Variants in ASPRV1 observed in about 807,000 individuals in gnomAD.
The protein encoded by ASPRV1 is retroviral-like aspartic protease 1.
Under a neutral mutation model 11.0 loss-of-function variants are expected in ASPRV1, and 7 were observed. The ratio of observed to expected loss-of-function variants is 0.64; its 90% CI spans 0.36 to 1.20. The LOEUF is 1.20. Among genes scored for constraint, ASPRV1 ranks in the 50% most tolerant of loss-of-function variants. The probability of loss-of-function intolerance (pLI) is 0.02; values close to 1 mark genes in which losing one functional copy is unlikely to be tolerated. For missense variants in ASPRV1, 299 were observed against 320.0 expected, an observed-to-expected ratio of 0.93 and a Z score of 0.50; for synonymous variants, 136 against 138.4, an observed-to-expected ratio of 0.98 and a Z score of 0.12.
the ASPRV1 span, among the ~76,000 whole-genome samples, chr2:69,951,961 A>G: frequency 6.6e-6 from 1 of 151,948 alleles, no homozygotes; most frequent in Non-Finnish European, 1.5e-5. Context: ...GTTGTTGGTT[A>G]CTTCAGCTTT....
the ASPRV1 span, among the ~76,000 whole-genome samples, chr2:70,048,485 T>G: frequency 2.7e-5 from 4 of 149,040 alleles, no homozygotes; most frequent in African/African-American, 9.9e-5. Flanking sequence ...TGCCAGGAGG[T>G]GATGGCCATG....
At chr2:69,935,621 T>G in the ASPRV1 span, among the ~76,000 whole-genome samples, 1 of 152,196 alleles carries the variant, frequency 6.6e-6, no homozygotes, top group Non-Finnish European at 1.5e-5. Flanking sequence ...AAAACCCAAC[T>G]GAGTGTTTCT....
upstream of ASPRV1, chr2:69,964,580 G>A: frequency 3.8e-6 from 1 of 265,386 alleles, no homozygotes; most frequent in South Asian, 3.6e-5. Context: ...CAGGCCAGGT[G>A]CCACTACCTC....
At chr2:69,998,002 G>A in the ASPRV1 span, 1 of 152,174 alleles carries the variant, frequency 6.6e-6, no homozygotes, top group Non-Finnish European at 1.5e-5. Flanking sequence ...CTGAGGCATA[G>A]AAAGTCTCAG....
At chr2:70,078,031 G>A in the ASPRV1 span, among the ~76,000 whole-genome samples, 1 of 151,932 alleles carries the variant, frequency 6.6e-6, no homozygotes, top group African/African-American at 2.4e-5. Flanking sequence ...GCCAGGCGTG[G>A]TGGCACACGC....
chr2:69,949,817 T>C, the ASPRV1 span, among the ~76,000 whole-genome samples: 30 of 152,110 alleles, frequency 2.0e-4, no homozygotes, highest in African/African-American at 7.0e-4. Context: ...GCATATGTAT[T>C]TGTTTGTTTG....
chr2:70,077,523 T>C, the ASPRV1 span: 1 of 152,220 alleles, frequency 6.6e-6, no homozygotes, highest in Non-Finnish European at 1.5e-5. Context: ...GAAACTTTTT[T>C]TCAAAATAAA....
chr2:70,040,103 CAGAAG>C, the ASPRV1 span, among the ~76,000 whole-genome samples: 2 of 152,078 alleles, frequency 1.3e-5, no homozygotes, highest in Non-Finnish European at 2.9e-5. Context: ...GTAAGAAACT[CAGAAG>C]AGAGAAAAAT....
chr2:69,961,870 G>A, upstream of ASPRV1: 1 of 587,816 alleles, frequency 1.7e-6, no homozygotes, highest in East Asian at 2.8e-5. Context: ...CCTGGCCTGT[G>A]TTCCAGAATA....
At chr2:70,034,890 C>T in the ASPRV1 span, 1 of 152,870 alleles carries the variant, frequency 6.5e-6, no homozygotes, top group Non-Finnish European at 1.5e-5. Context: ...CAAGAATACT[C>T]ACCAGGAAAC....
At chr2:69,955,141 G>A (rs1677910178), downstream of ASPRV1, among the ~76,000 whole-genome samples, 1 of 152,232 alleles carries the variant, frequency 6.6e-6, no homozygotes, top group Admixed American at 6.5e-5. Flanking sequence ...TGACTGATGG[G>A]CCTGGAACGT....
the ASPRV1 span, among the ~76,000 whole-genome samples, chr2:69,949,384 C>T: frequency 6.6e-6 from 1 of 152,254 alleles, no homozygotes; most frequent in South Asian, 2.1e-4. Context: ...TATCATATGG[C>T]CCCAAGCAGA....
At chr2:69,956,747 C>G (rs1677950572), downstream of ASPRV1, among the ~76,000 whole-genome samples, 1 of 152,112 alleles carries the variant, frequency 6.6e-6, no homozygotes, top group African/African-American at 2.4e-5. Flanking sequence ...GGAGTAAAAA[C>G]CTGGCAAACA....
the ASPRV1 span, among the ~76,000 whole-genome samples, chr2:70,071,146 T>C: frequency 7.1e-4 from 108 of 152,272 alleles, no homozygotes; most frequent in African/African-American, 2.4e-3. Context: ...CTGCAAACCC[T>C]CCAAACTCAC....
At chr2:69,948,483 G>C in the ASPRV1 span, among the ~76,000 whole-genome samples, 1 of 152,218 alleles carries the variant, frequency 6.6e-6, no homozygotes, top group Non-Finnish European at 1.5e-5. Flanking sequence ...TGGCACTGAG[G>C]GCCTGACAGA....
At chr2:69,991,500 C>G in the ASPRV1 span, among the ~76,000 whole-genome samples, 2 of 152,150 alleles carry the variant, frequency 1.3e-5, no homozygotes, top group Admixed American at 6.5e-5. Context: ...TATTGTTCCT[C>G]TGGGGGCTGG....
the ASPRV1 span, among the ~76,000 whole-genome samples, chr2:70,018,638 A>AT: frequency 2.8e-4 from 42 of 152,330 alleles, no homozygotes; most frequent in South Asian, 8.5e-3. Context: ...CAGTCAACTG[A>AT]TTTTCAACAA....
the ASPRV1 span, among the ~76,000 whole-genome samples, chr2:70,061,992 T>C: frequency 1.4e-5 from 2 of 145,176 alleles, no homozygotes; most frequent in Non-Finnish European, 3.0e-5. Flanking sequence ...AAAATAGATA[T>C]CATAGATATC....
chr2:69,945,326 T>C, the ASPRV1 span, among the ~76,000 whole-genome samples: 2 of 152,166 alleles, frequency 1.3e-5, no homozygotes, highest in African/African-American at 4.8e-5. Flanking sequence ...TTTTAAAATA[T>C]ATATAAAAGT....
Sources: gnomAD v4.1 joint callset for allele counts (sites outside exome capture counted in the v4.1 genomes callset) on GRCh38, gnomAD v4.1.1 for gene constraint, MANE v1.5 for transcripts, NCBI Gene and HGNC (gene_info 2026-07-23, HGNC 2026-07-21) for gene names.